GNAZ: variants seen among roughly 807,000 people sequenced by gnomAD.
The protein encoded by GNAZ is G protein subunit alpha z.
Under a neutral mutation model 25.4 loss-of-function variants are expected in GNAZ, and 3 were observed. The ratio of observed to expected loss-of-function variants is 0.12; its 90% CI spans 0.05 to 0.30. The LOEUF is 0.30. GNAZ is among the 10% of genes least tolerant of loss of function. The probability of loss-of-function intolerance (pLI) is 1.00; values close to 1 mark genes in which losing one functional copy is unlikely to be tolerated. For missense variants in GNAZ, 241 were observed against 501.8 expected, an observed-to-expected ratio of 0.48 and a Z score of 4.97; for synonymous variants, 211 against 205.7, an observed-to-expected ratio of 1.03 and a Z score of -0.22.
Position 23,096,153 on chromosome 22 carries a change from C to A in GNAZ, c.458C>A (p.Ala153Glu). ...RSSEYHLEDN[A>E]AYYLNDLERI... ...AGCGAGTACCACCTGGAGGACAACG[C>A]GGCCTACTACCTGAACGACCTGGAG... Residue 153 changes from alanine to glutamate, a missense_variant, in exon 2 of 3, where the codon GCG becomes GAG. Ala to Glu is a moderately radical substitution (Grantham distance 107, BLOSUM62 -1). Transcript: ENST00000615612. The A allele has an allele frequency of 6.2e-7, 1 of 1,612,920 alleles. No homozygotes were observed. The highest frequency in any genetic ancestry group is 8.5e-7 in the Non-Finnish European group (1 of 1,179,924).
intron 1 of GNAZ, among the ~76,000 whole-genome samples, chr22:23,083,999 C>T (rs2068747268): frequency 6.6e-6 from 1 of 152,056 alleles, no homozygotes; most frequent in African/African-American, 2.4e-5. Context: ...GAGATGCAGC[C>T]AGAGAGGCAG....
chr22:23,087,258 G>A (rs1294609527), intron 1 of GNAZ, among the ~76,000 whole-genome samples: 1 of 152,112 alleles, frequency 6.6e-6, no homozygotes, highest in Non-Finnish European at 1.5e-5. Flanking sequence ...TTGAGCCCAG[G>A]AGTTCGAGAC....
chr22:23,114,206 G>A (rs117106122), intron 2 of GNAZ, among the ~76,000 whole-genome samples: 71 of 152,330 alleles, frequency 4.7e-4, no homozygotes, highest in East Asian at 4.4e-3. Flanking sequence ...TGAATGGAGC[G>A]CATTCATGTC....
chr22:23,085,671 T>C (rs1303089956), intron 1 of GNAZ, among the ~76,000 whole-genome samples: 1 of 152,180 alleles, frequency 6.6e-6, no homozygotes, highest in Non-Finnish European at 1.5e-5. Context: ...TCAACACCAG[T>C]ACCAGTGCCT....
chr22:23,114,829 C>T (rs1232335139), intron 2 of GNAZ, among the ~76,000 whole-genome samples: 1 of 152,196 alleles, frequency 6.6e-6, no homozygotes, highest in Non-Finnish European at 1.5e-5. Context: ...CCTCACCCAC[C>T]TTGTTGAGAG....
intron 2 of GNAZ, among the ~76,000 whole-genome samples, chr22:23,115,998 C>G (rs1011493655): frequency 6.6e-6 from 1 of 152,242 alleles, no homozygotes; most frequent in Non-Finnish European, 1.5e-5. Context: ...AGGAAGGTGC[C>G]GCGCATGTGC....
intron 2 of GNAZ, among the ~76,000 whole-genome samples, chr22:23,119,985 G>A (rs2069965331): frequency 6.6e-6 from 1 of 152,198 alleles, no homozygotes; most frequent in Admixed American, 6.6e-5. Flanking sequence ...GCAAAGCAAG[G>A]GGAGTCCTGG....
At chr22:23,114,286 A>G (rs1400617790) in intron 2 of GNAZ, among the ~76,000 whole-genome samples, 5 of 152,318 alleles carry the variant, frequency 3.3e-5, no homozygotes, top group African/African-American at 1.2e-4. Flanking sequence ...GAACACTCCC[A>G]GCTTTTCTAC....
At chr22:23,090,556 T>A (rs1289999062) in intron 1 of GNAZ, among the ~76,000 whole-genome samples, 3 of 152,086 alleles carry the variant, frequency 2.0e-5, no homozygotes, top group Admixed American at 2.0e-4. Context: ...CCTCCTACCC[T>A]CTTGGCACCA....
Position 23,095,597 on chromosome 22 carries a change from G to A in GNAZ, c.-99G>A. ...CCTGCTGGCACTGAGTGCCTCCAGG[G>A]CAGCTGGGCTCTTGTCTGCCTGGTC... is the stretch of plus-strand genomic sequence containing the variant. On this transcript the variant is annotated 5_prime_UTR_variant, in exon 2 of 3. Transcript: ENST00000615612. 7.3e-7 allele frequency: 1 copy of A among 1,368,598 alleles called. No homozygotes were observed. Among genetic ancestry groups the A allele is most frequent in the East Asian group, 2.4e-5 (1 of 41,290 alleles). 84.8% of individuals were successfully genotyped at this position (1,368,598 alleles called of 1,614,324 possible). A position where few individuals can be genotyped will look rare whatever the true frequency, so the allele number is the denominator to read the frequency against.
chr22:23,077,170 C>G lies in GNAZ; in HGVS notation c.-450+6600C>G, dbSNP rs116238584. 4.7e-3 allele frequency among the ~76,000 whole-genome samples: 711 copies of G among 152,272 alleles called. 4 individuals carry two copies. The highest frequency in any genetic ancestry group is 0.016 in the African/African-American group (646 of 41,530). On this transcript the variant is annotated intron_variant, in intron 1 of 2. Transcript: ENST00000615612. ...ACTGGTGAACCTCACCACTGTACCCCCTCCTATCTAGCAGCTTTAACCCAC... is the reference window on the plus strand; with the variant it reads ...ACTGGTGAACCTCACCACTGTACCCGCTCCTATCTAGCAGCTTTAACCCAC...
intron 2 of GNAZ, among the ~76,000 whole-genome samples, chr22:23,120,168 G>T (rs1311255628): frequency 6.6e-6 from 1 of 152,184 alleles, no homozygotes; most frequent in Non-Finnish European, 1.5e-5. Flanking sequence ...TCTAAGTCAG[G>T]AACAGGAGGC....
intron 2 of GNAZ, among the ~76,000 whole-genome samples, chr22:23,120,791 G>A (rs910331375): frequency 6.6e-6 from 1 of 152,220 alleles, no homozygotes; most frequent in Non-Finnish European, 1.5e-5. Context: ...GCAGCCCCAG[G>A]ACTCCCACCT....
chr22:23,113,739 AGAAGTCTGG>A (rs1168425603), intron 2 of GNAZ, among the ~76,000 whole-genome samples: 6 of 152,194 alleles, frequency 3.9e-5, no homozygotes, highest in African/African-American at 1.4e-4. Context: ...TCCCCACTAG[AGAAGTCTGG>A]GAATGCCTGT....
At chr22:23,087,709 T>C (rs1186314477) in intron 1 of GNAZ, among the ~76,000 whole-genome samples, 1 of 152,126 alleles carries the variant, frequency 6.6e-6, no homozygotes, top group Non-Finnish European at 1.5e-5. Context: ...GATGAAATCA[T>C]AGGGAATTGA....
At chr22:23,117,560 C>A (rs764753607) in intron 2 of GNAZ, among the ~76,000 whole-genome samples, 2 of 152,228 alleles carry the variant, frequency 1.3e-5, no homozygotes, top group Non-Finnish European at 2.9e-5. Flanking sequence ...TGAGACCTCG[C>A]AGGTGAGAGG....
intron 2 of GNAZ, among the ~76,000 whole-genome samples, chr22:23,107,525 C>T (rs950021337): frequency 2.6e-5 from 4 of 152,150 alleles, no homozygotes; most frequent in Non-Finnish European, 5.9e-5. Context: ...CTGTGCCACT[C>T]GAGAGTCTCC....
At chr22:23,108,354 G>A (rs1450321305) in intron 2 of GNAZ, among the ~76,000 whole-genome samples, 1 of 152,244 alleles carries the variant, frequency 6.6e-6, no homozygotes, top group African/African-American at 2.4e-5. Context: ...AAAAGGGTTG[G>A]GGTTGTGACT....
intron 1 of GNAZ, among the ~76,000 whole-genome samples, chr22:23,075,048 G>A (rs1260429463): frequency 6.6e-6 from 1 of 152,160 alleles, no homozygotes; most frequent in Admixed American, 6.5e-5. Flanking sequence ...CAACAGCAGA[G>A]CATTAAAACT....
Sources: allele counts gnomAD v4.1 joint callset (sites outside exome capture counted in the v4.1 genomes callset), GRCh38; gene constraint gnomAD v4.1.1; transcripts MANE v1.5; gene names NCBI Gene and HGNC (gene_info 2026-07-23, HGNC 2026-07-21).